KCNN2: variants seen among roughly 807,000 people sequenced by gnomAD.
KCNN2 encodes the protein small conductance calcium-activated potassium channel protein 2.
In KCNN2, 24 loss-of-function variants were observed where a neutral mutation model predicts 55.5. The ratio of observed to expected loss-of-function variants is 0.43; its 90% CI spans 0.31 to 0.61. The LOEUF (loss-of-function observed/expected upper bound fraction) is 0.61, where lower values mean the gene tolerates loss of function less well. KCNN2 is among the 20% of genes least tolerant of loss of function. The pLI is 0.08. For missense variants in KCNN2, 754 were observed against 853.6 expected (o/e 0.88, Z 1.45); for synonymous variants, 431 against 336.1 (o/e 1.28, Z -3.09).
chr5:114,363,142 C>A lies in KCNN2; in HGVS notation c.1003C>A (p.His335Asn). 1 of 1,613,498 alleles carries A rather than the reference C, an allele frequency of 6.2e-7. No homozygotes were observed. The highest frequency in any genetic ancestry group is 8.5e-7 in the Non-Finnish European group (1 of 1,180,000). ...KNQNIGYKLG[H>N]RRALFEKRKR... is the part of the protein sequence containing the mutation. Reference sequence around the variant, plus strand: ...CCAGAACATCGGCTACAAGCTGGGCCACCGGCGCGCCCTGTTCGAAAAGCG... The same window carrying A: ...CCAGAACATCGGCTACAAGCTGGGCAACCGGCGCGCCCTGTTCGAAAAGCG... The change falls in exon 1 of 8, where the codon CAC becomes AAC. Residue 335 changes from histidine to asparagine, a missense_variant. His to Asn is a moderately conservative substitution (Grantham distance 68). Coordinates refer to ENST00000673685, the MANE Select transcript of KCNN2 (RefSeq NM_021614.4).
intron 2 of KCNN2, among the ~76,000 whole-genome samples, chr5:114,324,320 C>A (rs1177338134): frequency 2.6e-5 from 4 of 152,194 alleles, no homozygotes; most frequent in African/African-American, 9.6e-5. Context: ...AAATTAAGAA[C>A]CTTGAGATAT....
chr5:114,114,670 T>C (rs530403995), intron 1 of KCNN2, among the ~76,000 whole-genome samples: 2 of 152,270 alleles, frequency 1.3e-5, no homozygotes, highest in African/African-American at 4.8e-5. Flanking sequence ...AACTGGAAAC[T>C]GGATTATTCC....
At chr5:114,246,361 G>C (rs1369992246) in intron 2 of KCNN2, among the ~76,000 whole-genome samples, 1 of 152,142 alleles carries the variant, frequency 6.6e-6, no homozygotes, top group Non-Finnish European at 1.5e-5. Flanking sequence ...CTTTTATGTA[G>C]AGAAACCATT....
intron 7 of KCNN2, among the ~76,000 whole-genome samples, chr5:114,494,890 AT>A (rs1748038558): frequency 6.6e-6 from 1 of 152,148 alleles, no homozygotes; most frequent in Non-Finnish European, 1.5e-5. Flanking sequence ...TCTTTAAAAG[AT>A]TGTTAAGCAG....
At chr5:114,478,639 G>A (rs1762083083) in intron 5 of KCNN2, among the ~76,000 whole-genome samples, 1 of 151,506 alleles carries the variant, frequency 6.6e-6, no homozygotes, top group South Asian at 2.1e-4. Flanking sequence ...AAAAGTTAAG[G>A]GAAGCCAGAG....
At chr5:114,446,521 G>T (rs1272675300) in intron 3 of KCNN2, among the ~76,000 whole-genome samples, 25 of 152,038 alleles carry the variant, frequency 1.6e-4, no homozygotes, top group Admixed American at 1.6e-3. Flanking sequence ...GCAGCGGTGT[G>T]ATCTCAGCTC....
At chr5:114,479,333 T>C (rs903327818) in intron 5 of KCNN2, among the ~76,000 whole-genome samples, 1 of 151,388 alleles carries the variant, frequency 6.6e-6, no homozygotes, top group Non-Finnish European at 1.5e-5. Flanking sequence ...TACATAATGG[T>C]AAAGGGTTCA....
At chr5:114,102,650 C>A (rs1290221465) in intron 1 of KCNN2, among the ~76,000 whole-genome samples, 2 of 152,192 alleles carry the variant, frequency 1.3e-5, no homozygotes, top group Non-Finnish European at 2.9e-5. Flanking sequence ...CAGTTTTCTG[C>A]ATATGGCCAT....
At chr5:114,310,846 T>C (rs1391780426) in intron 2 of KCNN2, among the ~76,000 whole-genome samples, 2 of 152,186 alleles carry the variant, frequency 1.3e-5, no homozygotes, top group African/African-American at 4.8e-5. Flanking sequence ...TAAAATGTTC[T>C]GTTTTTAAAA....
At chr5:114,246,677 T>G (rs6886349) in intron 2 of KCNN2, among the ~76,000 whole-genome samples, 1 of 151,452 alleles carries the variant, frequency 6.6e-6, no homozygotes, top group Admixed American at 6.6e-5. Context: ...GATATGTCCA[T>G]AGTTGGTTGG....
At chr5:114,266,251 T>A (rs188298066) in intron 2 of KCNN2, among the ~76,000 whole-genome samples, 1 of 152,264 alleles carries the variant, frequency 6.6e-6, no homozygotes, top group Non-Finnish European at 1.5e-5. Context: ...ACATTTCAGG[T>A]GCTCAGCAGC....
At chr5:114,226,750 AATC>A (rs1285805841) in intron 2 of KCNN2, among the ~76,000 whole-genome samples, 1 of 151,906 alleles carries the variant, frequency 6.6e-6, no homozygotes, top group East Asian at 1.9e-4. Context: ...AAATACAAAA[AATC>A]AACCGGGCAT....
At chr5:114,095,509 C>A (rs1347504936) in intron 1 of KCNN2, among the ~76,000 whole-genome samples, 1 of 152,146 alleles carries the variant, frequency 6.6e-6, no homozygotes, top group Non-Finnish European at 1.5e-5. Flanking sequence ...TTTGGCATCA[C>A]AGTGGAATTA....
intron 1 of KCNN2, among the ~76,000 whole-genome samples, chr5:114,123,008 C>A (rs1032981465): frequency 6.6e-6 from 1 of 152,148 alleles, no homozygotes; most frequent in Non-Finnish European, 1.5e-5. Context: ...ACAAGTGGAT[C>A]CATCCCAGAG....
At chr5:114,271,449 A>T (rs185236066) in intron 2 of KCNN2, among the ~76,000 whole-genome samples, 2 of 152,298 alleles carry the variant, frequency 1.3e-5, no homozygotes, top group Non-Finnish European at 2.9e-5. Flanking sequence ...TTCACCTCTC[A>T]TTACTACTAA....
In KCNN2 at chr5:114,373,640, T is replaced by TTTTATATATATATATATA. The variant is rs536849367; in HGVS notation, c.1218+9640_1218+9641insTTATATATATATATATAT. Among the ~76,000 whole-genome samples the TTTTATATATATATATATA allele has an allele frequency of 4.9e-4, 28 of 56,706 alleles. 4 individuals carry two copies. The highest frequency in any genetic ancestry group is 1.5e-3 in the African/African-American group (28 of 18,988). 37.2% of individuals were successfully genotyped at this position (56,706 alleles called of 152,430 possible). A position where few individuals can be genotyped will look rare whatever the true frequency, so the allele number is the denominator to read the frequency against. On this transcript the variant is annotated intron_variant, in intron 2 of 7. Transcript: ENST00000673685. ...CTCTCATGGTGTTGTTATGAAGATT[T>TTTTATATATATATATATA]TATATATATATATATATAAAATTAC...
rs557287916 is a variant in KCNN2, at chr5:114,470,961, T to C, written c.1780-2093T>C. 5.9e-5 allele frequency among the ~76,000 whole-genome samples: 9 copies of C among 152,320 alleles called. No homozygotes were observed. In the East Asian group the frequency reaches 1.7e-3, roughly 29 times the overall value. On this transcript the variant is annotated intron_variant, in intron 4 of 7. Coordinates refer to ENST00000673685, the MANE Select transcript of KCNN2 (RefSeq NM_021614.4). Reference sequence around the variant, plus strand: ...TTTACAAACTCTCCAAGTGATTCTATAGTCAAGGTTAAAAACTACCAATTT... The same window carrying C: ...TTTACAAACTCTCCAAGTGATTCTACAGTCAAGGTTAAAAACTACCAATTT...
chr5:114,366,794 C>T (rs1301134765), intron 2 of KCNN2, among the ~76,000 whole-genome samples: 2 of 152,172 alleles, frequency 1.3e-5, no homozygotes, highest in Admixed American at 6.5e-5. Flanking sequence ...TCTCAGCTCA[C>T]GCTAAATAAT....
At chr5:114,249,072 C>T (rs955872549) in intron 2 of KCNN2, among the ~76,000 whole-genome samples, 30 of 152,006 alleles carry the variant, frequency 2.0e-4, no homozygotes, top group Non-Finnish European at 3.5e-4. Context: ...GAGTAAATTT[C>T]TACAAAGACA....
Sources: gnomAD v4.1 joint callset for allele counts (sites outside exome capture counted in the v4.1 genomes callset) on GRCh38, gnomAD v4.1.1 for gene constraint, MANE v1.5 for transcripts, NCBI Gene and HGNC (gene_info 2026-07-23, HGNC 2026-07-21) for gene names.